Variants in ASL observed in about 807,000 individuals in gnomAD.
The protein encoded by ASL is argininosuccinase.
In ASL, 51 loss-of-function variants were observed where a neutral mutation model predicts 69.1. The ratio of observed to expected loss-of-function variants is 0.74; its 90% CI spans 0.59 to 0.93. The LOEUF (loss-of-function observed/expected upper bound fraction) is 0.93. Among genes scored for constraint, ASL ranks in the 40% least tolerant of loss-of-function variants. The pLI is 0.00. For synonymous variants in ASL, 241 were observed against 247.6 expected (o/e 0.97, Z 0.25); for missense variants, 540 against 623.9 (o/e 0.87, Z 1.43).
In ASL at chr7:66,082,910, C is replaced by A. The variant is rs772998614; in HGVS notation, c.322C>A (p.His108Asn). 3 of 1,613,760 alleles carry A rather than the reference C, an allele frequency of 1.9e-6. No individual in the cohort carries two copies. The highest frequency in any genetic ancestry group is 2.5e-6 in the Non-Finnish European group (3 of 1,180,018). ...CATTGGTGCAACGGCAGGGAAGCTG[C>A]ACACGGGACGGAGCCGGAATGACCA... ...ELIGATAGKL[H>N]TGRSRNDQVV... Residue 108 changes from histidine (H) to asparagine (N), a missense_variant, in exon 5 of 17, where the codon CAC becomes AAC. Coordinates refer to ENST00000304874, the MANE Select transcript of ASL (RefSeq NM_000048.4).
rs1394024374 is a variant in ASL, at chr7:66,093,145, A to G, written c.*233A>G. 1 of 622,866 alleles carries G rather than the reference A, an allele frequency of 1.6e-6. No individual in the cohort carries two copies. The highest frequency in any genetic ancestry group is 2.8e-6 in the Non-Finnish European group (1 of 357,556). The allele number at this position is 622,866 out of a possible 1,614,324, so 38.6% of individuals were successfully genotyped here. On this transcript the variant is annotated 3_prime_UTR_variant, in exon 17 of 17. Coordinates refer to ENST00000304874, the MANE Select transcript of ASL (RefSeq NM_000048.4). Reference sequence around the variant, plus strand: ...GCCTGGGCAACACAGGGAGACCCCCATCTCTACTCAATAATAAAACAAATA... The same window carrying G: ...GCCTGGGCAACACAGGGAGACCCCCGTCTCTACTCAATAATAAAACAAATA...
chr7:66,088,838 G>A lies in ASL; in HGVS notation c.750G>A (p.Met250Ile). Residue 250 changes from methionine to isoleucine, a missense_variant, in exon 11 of 17, where the codon ATG becomes ATA. Transcript: ENST00000304874. ...AEFLFWASLC[M>I]THLSRMAEDL... ...TCCTGTTCTGGGCTTCGCTGTGCAT[G>A]ACCCATCTCAGCAGGATGGCCGAGG... 6.2e-7 allele frequency: 1 copy of A among 1,614,006 alleles called. No individual in the cohort carries two copies. Among genetic ancestry groups the A allele is most frequent in the African/African-American group, 1.3e-5 (1 of 75,054 alleles).
At chr7:66,082,755 T>A in intron 4 of ASL, 125 bp from the exon 5 acceptor site, 1 of 1,196,650 alleles carries the variant, frequency 8.4e-7, no homozygotes. Context: ...GGCGAGAGAT[T>A]TGGGGAGGAC....
Position 66,081,865 on chromosome 7 carries a change from C to T in ASL, c.75C>T (p.Asn25=), listed in dbSNP as rs370260834. Residue 25 remains asparagine (N), a synonymous_variant, in exon 3 of 17, where the codon AAC becomes AAT. Transcript: ENST00000304874. The stretch of plus-strand genomic sequence containing the variant: ...TGGACCCCATCATGGAGAAGTTCAA[C>T]GCGTCCATTGCCTACGACCGGCACC... ...GAVDPIMEKF[N]ASIAYDRHLW... The T allele has an allele frequency of 3.7e-5, 59 of 1,613,934 alleles. No individual in the cohort carries two copies. Among genetic ancestry groups the T allele is most frequent in the African/African-American group, 9.3e-5 (7 of 74,914 alleles).
In ASL at chr7:66,086,621, G is replaced by A; in HGVS notation, c.483G>A (p.Leu161=). 6.2e-7 allele frequency: 1 copy of A among 1,613,952 alleles called. No individual in the cohort carries two copies. ...RDVLFPGYTH[L]QRAQPIRWSH... ...TTCTCTTCCCGGGGTACACCCATTT[G>A]CAGAGGGCCCAGCCCATCCGCTGGA... The change falls in exon 7 of 17, where the codon TTG becomes TTA. Residue 161 remains leucine (L), a synonymous_variant. Transcript: ENST00000304874.
Position 66,082,885 on chromosome 7 carries a change from C to G in ASL, c.297C>G (p.Leu99=), listed in dbSNP as rs1450256176. The G allele has an allele frequency of 1.2e-6, 2 of 1,613,772 alleles. No homozygotes were observed. Among genetic ancestry groups the G allele is most frequent in the Admixed American group, 3.3e-5 (2 of 59,980 alleles). Residue 99 remains leucine, a synonymous_variant, in exon 5 of 17, where the codon CTC becomes CTG. Coordinates refer to ENST00000304874, the MANE Select transcript of ASL (RefSeq NM_000048.4). ...HTANERRLKE[L]IGATAGKLHT... ...GGGTCTCCCTTCACCTCCAGGAGCTCATTGGTGCAACGGCAGGGAAGCTGC... is the reference window on the plus strand; with the variant it reads ...GGGTCTCCCTTCACCTCCAGGAGCTGATTGGTGCAACGGCAGGGAAGCTGC...
In ASL at chr7:66,078,637, T is replaced by A. The variant is rs529851515; in HGVS notation, c.12+2544T>A. Among the ~76,000 whole-genome samples the A allele has an allele frequency of 8.6e-5, 13 of 152,000 alleles. No homozygotes were observed. In the South Asian group the frequency reaches 2.5e-3, roughly 29 times the overall value. ...ATTATTATCCTTATCTTATTATTAT[T>A]ATTATTATTATTTTTAAGAAGGAGT... On this transcript the variant is annotated intron_variant, in intron 2 of 16. Coordinates refer to ENST00000304874, the MANE Select transcript of ASL (RefSeq NM_000048.4).
chr7:66,086,624 G>A lies in ASL; in HGVS notation c.486G>A (p.Gln162=), dbSNP rs1786669549. 3 of 1,613,916 alleles carry A rather than the reference G, an allele frequency of 1.9e-6. No individual in the cohort carries two copies. The highest frequency in any genetic ancestry group is 1.3e-5 in the African/African-American group (1 of 75,056). The change falls in exon 7 of 17, where the codon CAG becomes CAA. Residue 162 remains glutamine (Q), a synonymous_variant. Transcript: ENST00000304874. ...DVLFPGYTHL[Q]RAQPIRWSHW... ...TCTTCCCGGGGTACACCCATTTGCA[G>A]AGGGCCCAGCCCATCCGCTGGAGCC...
At chr7:66,089,070 C>G in intron 11 of ASL, 21 bp from the exon 12 acceptor site, 4 of 1,613,702 alleles carry the variant, frequency 2.5e-6, no homozygotes, top group Middle Eastern at 1.7e-4. Flanking sequence ...GCCCCTTCAG[C>G]GCCAGCACCT....
At position 66,090,245 on chromosome 7, in the gene ASL, A is replaced by ATAAAT. The variant is rs929717362; in HGVS notation, c.1062+571_1062+575dup. On this transcript the variant is annotated intron_variant, in intron 14 of 16. Coordinates refer to ENST00000304874, the MANE Select transcript of ASL (RefSeq NM_000048.4). ...AGAGTAAAACTCCATCTACAAATATATAAATTAAATTAAATTAAATTAAAT... is the reference window on the plus strand; with the variant it reads ...AGAGTAAAACTCCATCTACAAATATATAAATTAAATTAAATTAAATTAAATTAAAT... Among the ~76,000 whole-genome samples, 19 of 152,210 alleles carry ATAAAT rather than the reference A, an allele frequency of 1.2e-4. 1 individual carries two copies. The highest frequency in any genetic ancestry group is 4.1e-4 in the South Asian group (2 of 4,832).
chr7:66,088,930 T>C lies in ASL; in HGVS notation c.833+9T>C. The C allele has an allele frequency of 6.2e-7, 1 of 1,613,082 alleles. No individual in the cohort carries two copies. The highest frequency in any genetic ancestry group is 8.5e-7 in the Non-Finnish European group (1 of 1,179,426). ...CTCTCAGATGCCTACAGGTAAGCCC[T>C]GAACTGCCACCTCCATCTGCCGCTG... On this transcript the variant is annotated intron_variant, in intron 11 of 16. Transcript: ENST00000304874.
At chr7:66,088,040 T>C (rs1786721537) in intron 10 of ASL, among the ~76,000 whole-genome samples, 1 of 151,900 alleles carries the variant, frequency 6.6e-6, no homozygotes, top group South Asian at 2.1e-4. Context: ...GGCAGGTGCC[T>C]GTAATCCCAG....
chr7:66,076,183 T>G, intron 2 of ASL, 90 bp downstream of exon 2: 1 of 1,515,410 alleles, frequency 6.6e-7, no homozygotes, highest in Non-Finnish European at 8.9e-7. Flanking sequence ...CTGCTGGGAA[T>G]CGCCCTCCAG....
intron 2 of ASL, among the ~76,000 whole-genome samples, chr7:66,076,556 A>G (rs1472994615): frequency 6.6e-6 from 1 of 152,176 alleles, no homozygotes; most frequent in African/African-American, 2.4e-5. Flanking sequence ...TGGCATGTGG[A>G]AAGAGCCAGG....
chr7:66,078,590 A>C (rs1283045255), intron 2 of ASL, among the ~76,000 whole-genome samples: 2 of 152,088 alleles, frequency 1.3e-5, no homozygotes, highest in Non-Finnish European at 2.9e-5. Context: ...AATGCTCACA[A>C]TAAGGCTATC....
At chr7:66,089,815 A>G (rs1157827586) in intron 14 of ASL, 120 bp downstream of exon 14, 2 of 1,080,934 alleles carry the variant, frequency 1.9e-6, no homozygotes, top group African/African-American at 3.1e-5. Flanking sequence ...AGGGAAGGAG[A>G]GGTGTGCTCG....
chr7:66,084,918 C>T (rs118042371), intron 6 of ASL, among the ~76,000 whole-genome samples: 2 of 152,038 alleles, frequency 1.3e-5, no homozygotes, highest in Admixed American at 6.6e-5. Context: ...CGTGCCCAGC[C>T]GCGAATTCTT....
At chr7:66,077,777 C>T (rs1786390870) in intron 2 of ASL, among the ~76,000 whole-genome samples, 2 of 152,112 alleles carry the variant, frequency 1.3e-5, no homozygotes, top group South Asian at 4.2e-4. Context: ...CTGGTATTTC[C>T]CATGTACATT....
chr7:66,083,206 C>G (rs763323608), intron 6 of ASL, 32 bp downstream of exon 6: 6 of 1,607,504 alleles, frequency 3.7e-6, no homozygotes, highest in Admixed American at 1.7e-5. Context: ...AGGGGGCAGA[C>G]AGAGGTGTGA....
Sources: allele counts gnomAD v4.1 joint callset (sites outside exome capture counted in the v4.1 genomes callset), GRCh38; gene constraint gnomAD v4.1.1; transcripts MANE v1.5; gene names NCBI Gene and HGNC (gene_info 2026-07-23, HGNC 2026-07-21).